Variants in CNTNAP2 observed in about 807,000 individuals in gnomAD.
CNTNAP2 encodes contactin-associated protein-like 2.
CNTNAP2 carries 98 observed loss-of-function variants against 155.2 expected under a neutral mutation model. That is an observed-to-expected ratio of 0.63 (90% CI 0.54 to 0.75). The LOEUF is 0.75. CNTNAP2 is among the 30% of genes least tolerant of loss of function. The pLI is 0.00. For synonymous variants in CNTNAP2, 651 were observed against 631.2 expected (o/e 1.03, Z -0.47); for missense variants, 1,727 against 1,688.1 (o/e 1.02, Z -0.40).
At chr7:146,672,210 G>A (rs1057023912) in intron 1 of CNTNAP2, among the ~76,000 whole-genome samples, 3 of 152,082 alleles carry the variant, frequency 2.0e-5, no homozygotes, top group South Asian at 2.1e-4. Context: ...ATTCCAAAAC[G>A]CAGTGACCGT....
intron 4 of CNTNAP2, among the ~76,000 whole-genome samples, chr7:147,096,382 C>T (rs1800534060): frequency 6.6e-6 from 1 of 152,134 alleles, no homozygotes; most frequent in Non-Finnish European, 1.5e-5. Flanking sequence ...CATAAGTTAC[C>T]TCCATGTGAA....
intron 1 of CNTNAP2, among the ~76,000 whole-genome samples, chr7:146,396,739 A>T (rs1718078): frequency 0.13 from 19,998 of 149,542 alleles, 1,619 homozygotes; most frequent in African/African-American, 0.24. Context: ...ATGTATATAA[A>T]TATCCTGCAA....
intron 3 of CNTNAP2, among the ~76,000 whole-genome samples, chr7:147,038,979 ATTCC>A (rs1266389285): frequency 4.6e-5 from 7 of 152,042 alleles, no homozygotes; most frequent in Non-Finnish European, 7.4e-5. Context: ...TCCCCTGTTC[ATTCC>A]TTCTTCACAC....
chr7:147,247,211 C>T lies in CNTNAP2; in HGVS notation c.1349-52930C>T, dbSNP rs113331643. 1.3e-4 allele frequency among the ~76,000 whole-genome samples: 20 copies of T among 152,312 alleles called. 1 individual carries two copies. The highest frequency in any genetic ancestry group is 4.8e-4 in the African/African-American group (20 of 41,572). On this transcript the variant is annotated intron_variant, in intron 8 of 23. Coordinates refer to ENST00000361727, the MANE Select transcript of CNTNAP2 (RefSeq NM_014141.6). Reference sequence around the variant, plus strand: ...TTGTTATTTGAATTTTATTTCCCCTCTCCTCGGGGTTCTTAGTAATACAAA... The same window carrying T: ...TTGTTATTTGAATTTTATTTCCCCTTTCCTCGGGGTTCTTAGTAATACAAA...
intron 18 of CNTNAP2, among the ~76,000 whole-genome samples, chr7:148,195,278 T>A (rs900224066): frequency 6.6e-6 from 1 of 152,224 alleles, no homozygotes; most frequent in African/African-American, 2.4e-5. Flanking sequence ...TGGTAAGTAT[T>A]TGATGAATGA....
At chr7:146,716,365 A>C (rs1208484218) in intron 1 of CNTNAP2, among the ~76,000 whole-genome samples, 3 of 151,734 alleles carry the variant, frequency 2.0e-5, no homozygotes, top group Non-Finnish European at 2.9e-5. Flanking sequence ...CAAAGAAATC[A>C]GTGGTTTAAA....
At chr7:147,376,919 T>C (rs1796444569) in intron 9 of CNTNAP2, among the ~76,000 whole-genome samples, 1 of 151,962 alleles carries the variant, frequency 6.6e-6, no homozygotes, top group Non-Finnish European at 1.5e-5. Flanking sequence ...CTAATTTTCT[T>C]TTTCTTAAAA....
chr7:146,743,769 C>T (rs149516886), intron 1 of CNTNAP2, among the ~76,000 whole-genome samples: 1 of 152,300 alleles, frequency 6.6e-6, no homozygotes, highest in African/African-American at 2.4e-5. Context: ...GCATCCAAGA[C>T]AGCCAAACCC....
intron 17 of CNTNAP2, among the ~76,000 whole-genome samples, chr7:148,149,518 C>T (rs1318092617): frequency 1.3e-5 from 2 of 152,058 alleles, no homozygotes; most frequent in Non-Finnish European, 2.9e-5. Flanking sequence ...TAATATCAAG[C>T]ACCATGAGTA....
chr7:148,289,305 T>C (rs2116477741), intron 21 of CNTNAP2, among the ~76,000 whole-genome samples: 1 of 152,232 alleles, frequency 6.6e-6, no homozygotes, highest in East Asian at 1.9e-4. Context: ...GATGCTGACC[T>C]GAATTGTGTT....
At chr7:147,316,149 A>G (rs945525677) in intron 9 of CNTNAP2, among the ~76,000 whole-genome samples, 3 of 152,056 alleles carry the variant, frequency 2.0e-5, no homozygotes, top group African/African-American at 4.8e-5. Flanking sequence ...TCATATGATA[A>G]GTCTATGTTT....
intron 1 of CNTNAP2, among the ~76,000 whole-genome samples, chr7:146,398,288 T>C (rs995245647): frequency 1.3e-5 from 2 of 149,736 alleles, no homozygotes; most frequent in Non-Finnish European, 3.0e-5. Context: ...TCCACAGGGC[T>C]AGGAAGGAAT....
chr7:146,863,790 G>A (rs894066935), intron 3 of CNTNAP2, among the ~76,000 whole-genome samples: 2 of 152,038 alleles, frequency 1.3e-5, no homozygotes, highest in Non-Finnish European at 2.9e-5. Context: ...TTGCTAGCAT[G>A]TCCTTGAAAT....
chr7:147,520,632 C>G (rs1430611880), intron 11 of CNTNAP2, among the ~76,000 whole-genome samples: 1 of 152,154 alleles, frequency 6.6e-6, no homozygotes, highest in East Asian at 1.9e-4. Flanking sequence ...GTCTGTCTTC[C>G]CATCCATTCC....
intron 1 of CNTNAP2, chr7:146,195,048 A>G (rs1471862297): frequency 4.6e-5 from 7 of 152,350 alleles, no homozygotes; most frequent in Admixed American, 4.6e-4. Flanking sequence ...TTATTTTACA[A>G]TAAAGAATAT....
intron 1 of CNTNAP2, among the ~76,000 whole-genome samples, chr7:146,514,730 G>T (rs1584958926): frequency 6.7e-6 from 1 of 149,736 alleles, no homozygotes; most frequent in Non-Finnish European, 1.5e-5. Context: ...TTCTTTCTTT[G>T]TACATTTGAG....
chr7:147,044,324 T>G (rs922905643), intron 4 of CNTNAP2, among the ~76,000 whole-genome samples: 16 of 152,158 alleles, frequency 1.1e-4, no homozygotes, highest in Non-Finnish European at 2.4e-4. Flanking sequence ...TGGAAAGGTT[T>G]TTTTTGTTCA....
chr7:148,275,041 C>T (rs1451228873), intron 21 of CNTNAP2, among the ~76,000 whole-genome samples: 1 of 152,096 alleles, frequency 6.6e-6, no homozygotes, highest in Non-Finnish European at 1.5e-5. Flanking sequence ...ATGTCAGATG[C>T]CAGGCATTGT....
intron 1 of CNTNAP2, among the ~76,000 whole-genome samples, chr7:146,532,906 A>G (rs1221171479): frequency 6.6e-6 from 1 of 151,838 alleles, no homozygotes; most frequent in Non-Finnish European, 1.5e-5. Flanking sequence ...AATGTGCTGA[A>G]ACCCCATCTC....
Sources: allele counts gnomAD v4.1 joint callset (sites outside exome capture counted in the v4.1 genomes callset), GRCh38; gene constraint gnomAD v4.1.1; transcripts MANE v1.5; gene names NCBI Gene and HGNC (gene_info 2026-07-23, HGNC 2026-07-21).